LRFN5: variants seen among roughly 807,000 people sequenced by gnomAD.
The protein encoded by LRFN5 is leucine rich repeat and fibronectin type III domain containing 5.
Under a neutral mutation model 45.6 loss-of-function variants are expected in LRFN5, and 24 were observed. The ratio of observed to expected loss-of-function variants is 0.53; its 90% CI spans 0.38 to 0.74. LRFN5 has a LOEUF of 0.74. LRFN5 is among the 30% of genes least tolerant of loss of function. The probability of loss-of-function intolerance (pLI) is 0.00; values close to 1 mark genes in which losing one functional copy is unlikely to be tolerated. For synonymous variants in LRFN5, 340 were observed against 313.8 expected, an observed-to-expected ratio of 1.08 and a Z score of -0.88; for missense variants, 776 against 861.5, an observed-to-expected ratio of 0.90 and a Z score of 1.24.
chr14:41,802,950 C>T (rs749706146), intron 2 of LRFN5, among the ~76,000 whole-genome samples: 4 of 152,072 alleles, frequency 2.6e-5, no homozygotes, highest in Non-Finnish European at 5.9e-5. Flanking sequence ...TCCTTTTCTG[C>T]TTATGTTCTT....
intron 1 of LRFN5, among the ~76,000 whole-genome samples, chr14:41,681,290 ATT>A (rs1267273259): frequency 6.6e-6 from 1 of 152,172 alleles, no homozygotes; most frequent in African/African-American, 2.4e-5. Flanking sequence ...AGTAGATTTA[ATT>A]CAAATAAAGC....
chr14:41,650,296 TGAGA>T (rs1880049276), intron 1 of LRFN5, among the ~76,000 whole-genome samples: 1 of 120,298 alleles, frequency 8.3e-6, no homozygotes, highest in Non-Finnish European at 1.8e-5. Context: ...GCAACACAGA[TGAGA>T]GATAGAGGTT....
intron 2 of LRFN5, among the ~76,000 whole-genome samples, chr14:41,862,019 T>A (rs571336806): frequency 1.3e-5 from 2 of 152,148 alleles, no homozygotes; most frequent in Admixed American, 1.3e-4. Context: ...GGTTTAAAAA[T>A]ATTTGGCAGT....
intron 1 of LRFN5, among the ~76,000 whole-genome samples, chr14:41,667,677 G>T (rs930048392): frequency 6.6e-6 from 1 of 152,054 alleles, no homozygotes; most frequent in African/African-American, 2.4e-5. Context: ...TGAATGGGTA[G>T]ACCTCTATCT....
intron 2 of LRFN5, among the ~76,000 whole-genome samples, chr14:41,815,199 G>C (rs1377584347): frequency 1.3e-5 from 2 of 151,960 alleles, no homozygotes; most frequent in South Asian, 2.1e-4. Flanking sequence ...ATCAGTTTTT[G>C]TTTCTGCAAA....
chr14:41,770,691 A>G (rs1886049998), intron 2 of LRFN5, among the ~76,000 whole-genome samples: 1 of 152,172 alleles, frequency 6.6e-6, no homozygotes, highest in African/African-American at 2.4e-5. Context: ...AGGACACAGT[A>G]CACATAGCTG....
chr14:41,850,517 G>T (rs1889228517), intron 2 of LRFN5, among the ~76,000 whole-genome samples: 1 of 151,772 alleles, frequency 6.6e-6, no homozygotes, highest in Non-Finnish European at 1.5e-5. Context: ...TCATAGAACT[G>T]TGAATATTAT....
At chr14:41,617,865 G>T (rs1407685645) in intron 1 of LRFN5, among the ~76,000 whole-genome samples, 2 of 152,118 alleles carry the variant, frequency 1.3e-5, no homozygotes, top group Non-Finnish European at 2.9e-5. Flanking sequence ...AGAACATACT[G>T]CAATATCATG....
chr14:41,833,071 G>A (rs1056348228), intron 2 of LRFN5, among the ~76,000 whole-genome samples: 13 of 152,128 alleles, frequency 8.5e-5, no homozygotes, highest in Admixed American at 5.9e-4. Context: ...CATATTAGGG[G>A]TTCAGTATTA....
intron 1 of LRFN5, among the ~76,000 whole-genome samples, chr14:41,719,714 G>T (rs1448015521): frequency 6.6e-6 from 1 of 151,260 alleles, no homozygotes; most frequent in African/African-American, 2.4e-5. Flanking sequence ...TAGATTTTGA[G>T]ATGTGTGTGT....
chr14:41,886,671 A>G lies in LRFN5; in HGVS notation c.46A>G (p.Lys16Glu). Residue 16 changes from lysine to glutamate, a missense_variant, in exon 3 of 6, where the codon AAA (lysine) becomes GAA (glutamate). Physicochemically the swap from Lys to Glu is moderately conservative, Grantham distance 56. Transcript: ENST00000298119. ...TCTGTTTCTCATTGGCATAGCAGTGAAAGCTCAGATCTGTCCAAAGCGTTG... is the reference window on the plus strand; with the variant it reads ...TCTGTTTCTCATTGGCATAGCAGTGGAAGCTCAGATCTGTCCAAAGCGTTG... ...FYLFLIGIAV[K>E]AQICPKRCVC... The G allele has an allele frequency of 6.2e-7, 1 of 1,603,404 alleles. No individual in the cohort carries two copies. The highest frequency in any genetic ancestry group is 8.5e-7 in the Non-Finnish European group (1 of 1,177,218).
chr14:41,795,965 T>C (rs1053918744), intron 2 of LRFN5, among the ~76,000 whole-genome samples: 2 of 152,016 alleles, frequency 1.3e-5, no homozygotes, highest in Admixed American at 1.3e-4. Flanking sequence ...ATCGGATTTG[T>C]ATTTGTGTGC....
intron 1 of LRFN5, among the ~76,000 whole-genome samples, chr14:41,640,885 G>A (rs1296989333): frequency 2.6e-5 from 4 of 151,776 alleles, no homozygotes; most frequent in Non-Finnish European, 5.9e-5. Flanking sequence ...TTTTATCTTT[G>A]GTTGCTTGTA....
intron 3 of LRFN5, among the ~76,000 whole-genome samples, chr14:41,888,655 G>A (rs1040292357): frequency 2.0e-5 from 3 of 151,998 alleles, no homozygotes; most frequent in Non-Finnish European, 2.9e-5. Flanking sequence ...GTGTGGTTGT[G>A]TTGTCTCATG....
At chr14:41,634,646 T>C (rs909769479) in intron 1 of LRFN5, among the ~76,000 whole-genome samples, 1 of 152,176 alleles carries the variant, frequency 6.6e-6, no homozygotes, top group African/African-American at 2.4e-5. Flanking sequence ...TGGTTAACTA[T>C]AATATATCTT....
chr14:41,871,229 A>G (rs1890008178), intron 2 of LRFN5, among the ~76,000 whole-genome samples: 1 of 152,176 alleles, frequency 6.6e-6, no homozygotes, highest in African/African-American at 2.4e-5. Flanking sequence ...TTGAAAAATT[A>G]AAAATAATCA....
chr14:41,709,089 GTTTCTTC>G, intron 1 of LRFN5, among the ~76,000 whole-genome samples: 1 of 96,468 alleles, frequency 1.0e-5, no homozygotes, highest in South Asian at 2.9e-4. Flanking sequence ...CGTACCAACT[GTTTCTTC>G]CACTTAGGCA....
intron 1 of LRFN5, among the ~76,000 whole-genome samples, chr14:41,724,781 G>A (rs946741730): frequency 4.0e-5 from 6 of 151,866 alleles, no homozygotes; most frequent in East Asian, 3.9e-4. Context: ...ACCTCAACCC[G>A]CCCTTATGAG....
intron 2 of LRFN5, among the ~76,000 whole-genome samples, chr14:41,785,733 A>G (rs1203036737): frequency 2.0e-5 from 3 of 152,162 alleles, no homozygotes; most frequent in African/African-American, 4.8e-5. Flanking sequence ...TTTTCCTGCA[A>G]CTGGACAGTC....
Sources: gnomAD v4.1 joint callset for allele counts (sites outside exome capture counted in the v4.1 genomes callset) on GRCh38, gnomAD v4.1.1 for gene constraint, MANE v1.5 for transcripts, NCBI Gene and HGNC (gene_info 2026-07-23, HGNC 2026-07-21) for gene names.